The following ZDHHC1 variants were observed in gnomAD, a reference collection of about 807,000 sequenced individuals.
ZDHHC1 encodes the protein zDHHC palmitoyltransferase 1, also known as palmitoyltransferase ZDHHC1.
ZDHHC1 carries 45 observed loss-of-function variants against 46.9 expected under a neutral mutation model. The ratio of observed to expected loss-of-function variants is 0.96; its 90% CI spans 0.76 to 1.23. ZDHHC1 has a LOEUF of 1.23. ZDHHC1 is among the 50% of genes most tolerant of loss of function. The pLI is 0.00. For synonymous variants in ZDHHC1, 291 were observed against 286.0 expected (o/e 1.02, Z -0.18); for missense variants, 649 against 670.8 (o/e 0.97, Z 0.36).
intron 4 of ZDHHC1, 65 bp from the exon 5 acceptor site, chr16:67,399,521 G>A (rs944194369): frequency 1.0e-5 from 15 of 1,436,788 alleles, no homozygotes; most frequent in African/African-American, 4.2e-5. Context: ...CCGGCCGGTC[G>A]GGGTGGTTGA....
Position 67,406,532 on chromosome 16 carries a change from G to A in ZDHHC1, c.10-90C>T. On this transcript the variant is annotated intron_variant, in intron 2 of 11. Transcript: ENST00000565726. The surrounding 1 kb of genome is among the most constrained non-coding windows in gnomAD (Gnocchi z 4.1). ...TGTCTGCAGCCAAGTTTCAGCACAG[G>A]GGGAGTAGGCTGCGACAGCTACTCT... The A allele has an allele frequency of 1.4e-6, 2 of 1,419,954 alleles. No homozygotes were observed. The highest frequency in any genetic ancestry group is 1.8e-6 in the Non-Finnish European group (2 of 1,082,026). The allele number at this position is 1,419,954 out of a possible 1,614,324, so 88.0% of individuals were successfully genotyped here.
At chr16:67,395,411 CCCTTCT>C in intron 9 of ZDHHC1, 67 bp downstream of exon 9, 1 of 1,543,192 alleles carries the variant, frequency 6.5e-7, no homozygotes, top group Non-Finnish European at 8.7e-7. Flanking sequence ...TTAGCCTACC[CCCTTCT>C]CCTGCCTCGA....
intron 8 of ZDHHC1, chr16:67,395,893 C>A (rs1379470377): frequency 1.2e-5 from 4 of 328,530 alleles, no homozygotes; most frequent in Admixed American, 4.5e-5. Flanking sequence ...CCCGCACCTG[C>A]TCCTGGTGTC....
intron 3 of ZDHHC1, chr16:67,404,390 C>T: frequency 4.0e-6 from 1 of 248,920 alleles, no homozygotes; most frequent in Non-Finnish European, 8.3e-6. Context: ...TAGGGCTCAG[C>T]TTGTATCCCT....
rs764984319 is a variant in ZDHHC1, at chr16:67,401,015, G to A, written c.370C>T (p.Arg124Ter). 8.1e-6 allele frequency: 13 copies of A among 1,614,012 alleles called. No homozygotes were observed. Among genetic ancestry groups the A allele is most frequent in the South Asian group, 4.4e-5 (4 of 91,088 alleles). Residue 124 changes from arginine (R) to a stop codon, truncating the protein, a stop_gained, in exon 4 of 12, where the codon CGA becomes TGA. Coordinates refer to ENST00000565726, the MANE Select transcript of ZDHHC1 (RefSeq NM_001323627.2). LOFTEE classifies it high-confidence loss of function. This position sits in a 1 kb window ranked among gnomAD's most constrained non-coding sequence, Gnocchi z 4.6. ...SYAGPLPIFN[R>*]SQHAHVIEDL... is the part of the protein sequence containing the mutation. ...TCAATGACATGTGCGTGCTGGCTTC[G>A]GTTGAAGATGGGCAGGGGCCCCGCA...
intron 1 of ZDHHC1, among the ~76,000 whole-genome samples, chr16:67,409,726 T>C (rs546559639): frequency 6.6e-6 from 1 of 152,198 alleles, no homozygotes; most frequent in Admixed American, 6.5e-5. Context: ...GGAGACCAGA[T>C]TGAAAGACAT....
At position 67,394,923 on chromosome 16, in the gene ZDHHC1, T is replaced by A. The variant is rs1427761998; in HGVS notation, c.1166-30A>T. ...GCAAGGGAAGGGAACATGAGCCCAG[T>A]GGCTGCGGCTCGCTTGTGGCTCTGC... On this transcript the variant is annotated intron_variant, in intron 11 of 11. Transcript: ENST00000565726. 5 of 1,565,398 alleles carry A rather than the reference T, an allele frequency of 3.2e-6. No individual in the cohort carries two copies. The South Asian group carries it at 5.8e-5, about 18-fold the overall frequency.
intron 1 of ZDHHC1, among the ~76,000 whole-genome samples, chr16:67,413,926 G>C (rs189527310): frequency 7.2e-6 from 1 of 138,326 alleles, no homozygotes; most frequent in East Asian, 2.1e-4. Flanking sequence ...GCAACAGAGC[G>C]AGACTCCGTC....
At position 67,398,289 on chromosome 16, in the gene ZDHHC1, G is replaced by T; in HGVS notation, c.850C>A (p.Gln284Lys). 5.6e-6 allele frequency: 9 copies of T among 1,614,044 alleles called. No homozygotes were observed. The highest frequency in any genetic ancestry group is 7.6e-6 in the Non-Finnish European group (9 of 1,179,958). ...TTGGCCTCCTGTGGTGGGCGGTGCTGCACGATGTACTCATAGGTGGTGAGC... is the reference window on the plus strand; with the variant it reads ...TTGGCCTCCTGTGGTGGGCGGTGCTTCACGATGTACTCATAGGTGGTGAGC... Reference protein sequence around the residue: ...HKLTTYEYIVQHRPPQEAKGV... With the variant: ...HKLTTYEYIVKHRPPQEAKGV... Residue 284 changes from glutamine to lysine, a missense_variant, in exon 8 of 12, where the codon CAG (glutamine) becomes AAG (lysine). Gln to Lys is a moderately conservative substitution (Grantham distance 53). Transcript: ENST00000565726.
intron 9 of ZDHHC1, 90 bp from the exon 10 acceptor site, chr16:67,395,370 C>T (rs1333683781): frequency 1.3e-6 from 2 of 1,508,280 alleles, no homozygotes; most frequent in African/African-American, 2.8e-5. Context: ...TTCCTGTTAG[C>T]TCAGAGAAGG....
At chr16:67,399,602 C>T in intron 4 of ZDHHC1, 146 bp from the exon 5 acceptor site, 1 of 615,352 alleles carries the variant, frequency 1.6e-6, no homozygotes, top group Non-Finnish European at 2.7e-6. Flanking sequence ...AGCGCGCGCG[C>T]CCTCTGCAGG....
chr16:67,399,456 C>G lies in ZDHHC1; in HGVS notation c.429G>C (p.Val143=), dbSNP rs1055829374. 2 of 1,609,594 alleles carry G rather than the reference C, an allele frequency of 1.2e-6. No homozygotes were observed. The change falls in exon 5 of 12, where the codon GTG becomes GTC. Residue 143 remains valine (V), a splice_region_variant and synonymous_variant. Transcript: ENST00000565726. ...DLHCNLCNVD[V]SARSKHCSAC... ...CGCTGCAGTGCTTGGAGCGAGCGCT[C>G]CTGCAGGGAGAGGGGGCACAGCGCG... is the stretch of plus-strand genomic sequence containing the variant.
chr16:67,403,960 A>G (rs1223691151), intron 3 of ZDHHC1, among the ~76,000 whole-genome samples: 3 of 152,066 alleles, frequency 2.0e-5, no homozygotes, highest in African/African-American at 7.2e-5. Flanking sequence ...GAAATCTTGG[A>G]GCTGGGGCGC....
At position 67,416,425 on chromosome 16, in the gene ZDHHC1, G is replaced by GA. The variant is rs2040837734; in HGVS notation, c.-294_-293insT. On this transcript the variant is annotated 5_prime_UTR_variant, in exon 1 of 12. Transcript: ENST00000565726. ...TCCGGCTCCGGCTCCGGCTCCAGCA[G>GA]GCTGGAGGGGCGGCCAGGCCAGACC... The GA allele has an allele frequency of 5.2e-6, 1 of 191,176 alleles. No homozygotes were observed. Among genetic ancestry groups the GA allele is most frequent in the African/African-American group, 2.5e-5 (1 of 40,044 alleles). The allele number at this position is 191,176 out of a possible 1,614,324, so 11.8% of individuals were successfully genotyped here. A position where few individuals can be genotyped will look rare whatever the true frequency, so the allele number is the denominator to read the frequency against.
chr16:67,403,717 C>T (rs938591205), intron 3 of ZDHHC1, among the ~76,000 whole-genome samples: 1 of 152,054 alleles, frequency 6.6e-6, no homozygotes, highest in Non-Finnish European at 1.5e-5. Context: ...CGGGTTCAAG[C>T]GATTCTCCAG....
intron 2 of ZDHHC1, among the ~76,000 whole-genome samples, chr16:67,407,202 C>T (rs2040677511): frequency 6.6e-6 from 1 of 152,224 alleles, no homozygotes; most frequent in Non-Finnish European, 1.5e-5. Context: ...CCACCCGCCA[C>T]CCTCTAGCCG....
intron 1 of ZDHHC1, among the ~76,000 whole-genome samples, chr16:67,410,221 C>T (rs1354542533): frequency 6.6e-6 from 1 of 152,244 alleles, no homozygotes; most frequent in East Asian, 1.9e-4. Flanking sequence ...GGAAGCGGCA[C>T]CACAGTGGCC....
chr16:67,398,673 G>C lies in ZDHHC1; in HGVS notation c.714C>G (p.Thr238=). The change falls in exon 7 of 12, where the codon ACC becomes ACG. Residue 238 remains threonine, a synonymous_variant. Transcript: ENST00000565726. ...FVFLPAAPVE[T]QAPAILALAA... is the part of the protein sequence containing the mutation. ...CCAGGGCCAGGATGGCAGGGGCCTG[G>C]GTCTCCACGGGGGCGGCAGGCAGGA... 2 of 1,607,880 alleles carry C rather than the reference G, an allele frequency of 1.2e-6. No homozygotes were observed. The highest frequency in any genetic ancestry group is 1.7e-6 in the Non-Finnish European group (2 of 1,178,008).
At chr16:67,407,920 T>C in intron 1 of ZDHHC1, 107 bp from the exon 2 acceptor site, 2 of 677,364 alleles carry the variant, frequency 3.0e-6, no homozygotes, top group Non-Finnish European at 5.5e-6. Context: ...CCCTGCCCTC[T>C]TTCTGCAGGG....
Sources: allele counts gnomAD v4.1 joint callset (sites outside exome capture counted in the v4.1 genomes callset), GRCh38; gene constraint gnomAD v4.1.1; non-coding constraint Gnocchi (gnomAD v3.1); transcripts MANE v1.5; gene names NCBI Gene and HGNC (gene_info 2026-07-23, HGNC 2026-07-21).